DNAJC6: variants seen among roughly 807,000 people sequenced by gnomAD.
DNAJC6 encodes the protein auxilin.
A neutral mutation model predicts 110.0 loss-of-function variants in DNAJC6; 34 were observed. The observed-to-expected ratio is 0.31, with a 90% CI of 0.24 to 0.41. The LOEUF is 0.41. DNAJC6 is among the 10% of genes least tolerant of loss of function. DNAJC6 has a pLI of 1.00. For missense variants in DNAJC6, 1,031 were observed against 1,207.8 expected (o/e 0.85, Z 2.17); for synonymous variants, 406 against 437.2 (o/e 0.93, Z 0.89).
chr1:65,401,006 A>G (rs554309005), intron 14 of DNAJC6, among the ~76,000 whole-genome samples: 33 of 152,214 alleles, frequency 2.2e-4, no homozygotes, highest in African/African-American at 7.5e-4. Flanking sequence ...TTTAATAGCA[A>G]TTCTGACAGG....
chr1:65,327,080 A>G (rs1214092782), intron 1 of DNAJC6, among the ~76,000 whole-genome samples: 6 of 152,206 alleles, frequency 3.9e-5, no homozygotes, highest in Non-Finnish European at 1.5e-5. Context: ...GTAAAAAGTA[A>G]GAGGGTTGAT....
chr1:65,396,533 T>A (rs1359782948), intron 13 of DNAJC6, among the ~76,000 whole-genome samples: 1 of 152,156 alleles, frequency 6.6e-6, no homozygotes, highest in Admixed American at 6.6e-5. Flanking sequence ...TCCCCAGGCA[T>A]CTGCATGGCT....
intron 1 of DNAJC6, among the ~76,000 whole-genome samples, chr1:65,292,524 G>A (rs1380942839): frequency 6.6e-6 from 1 of 151,774 alleles, no homozygotes; most frequent in African/African-American, 2.4e-5. Context: ...TCGACTTCCT[G>A]GGCTCAAGCA....
chr1:65,325,472 T>G (rs1165795631), intron 1 of DNAJC6, among the ~76,000 whole-genome samples: 1 of 152,198 alleles, frequency 6.6e-6, no homozygotes, highest in Non-Finnish European at 1.5e-5. Context: ...CTAGGTCATA[T>G]GATTGTGTGA....
chr1:65,270,208 G>A (rs1301021100), intron 1 of DNAJC6, among the ~76,000 whole-genome samples: 1 of 152,076 alleles, frequency 6.6e-6, no homozygotes, highest in African/African-American at 2.4e-5. Flanking sequence ...ATAGTCGTCT[G>A]AGCATTTGCA....
At chr1:65,384,824 A>G (rs1645855552) in intron 6 of DNAJC6, among the ~76,000 whole-genome samples, 1 of 152,228 alleles carries the variant, frequency 6.6e-6, no homozygotes, top group African/African-American at 2.4e-5. Flanking sequence ...GAACTATGCA[A>G]AAACTGAATT....
At chr1:65,347,276 AT>A (rs1331854810) in intron 1 of DNAJC6, among the ~76,000 whole-genome samples, 1 of 152,058 alleles carries the variant, frequency 6.6e-6, no homozygotes, top group Non-Finnish European at 1.5e-5. Context: ...ACCCTTGTTT[AT>A]TTTCTTCTCT....
chr1:65,337,431 T>C (rs923383757), intron 1 of DNAJC6, among the ~76,000 whole-genome samples: 6 of 152,018 alleles, frequency 3.9e-5, no homozygotes, highest in African/African-American at 1.4e-4. Context: ...TTTACCAGTT[T>C]TCAAAAATAA....
chr1:65,286,720 A>G (rs959396747), intron 1 of DNAJC6, among the ~76,000 whole-genome samples: 5 of 152,228 alleles, frequency 3.3e-5, no homozygotes, highest in Admixed American at 6.5e-5. Context: ...GAAACAGGTT[A>G]CTAATACATT....
chr1:65,331,762 G>A (rs764593709), intron 1 of DNAJC6, among the ~76,000 whole-genome samples: 5 of 152,208 alleles, frequency 3.3e-5, no homozygotes, highest in Non-Finnish European at 5.9e-5. Flanking sequence ...ATGAGCTCAG[G>A]TCAGACAAAA....
At chr1:65,398,379 G>T (rs976660594) in intron 13 of DNAJC6, among the ~76,000 whole-genome samples, 2 of 152,180 alleles carry the variant, frequency 1.3e-5, no homozygotes, top group Admixed American at 6.6e-5. Flanking sequence ...CTTAGCAAAG[G>T]TAAACTGAGC....
At chr1:65,412,648 G>A (rs750704127) in intron 18 of DNAJC6, among the ~76,000 whole-genome samples, 3 of 152,122 alleles carry the variant, frequency 2.0e-5, no homozygotes, top group South Asian at 2.1e-4. Flanking sequence ...TGGCAGATAC[G>A]TCTGGAGAAC....
chr1:65,366,549 T>C (rs775697594), intron 4 of DNAJC6, among the ~76,000 whole-genome samples: 1 of 152,210 alleles, frequency 6.6e-6, no homozygotes, highest in Non-Finnish European at 1.5e-5. Flanking sequence ...AATTATGCCG[T>C]TGACCCTTCT....
chr1:65,283,056 G>A (rs1226125228), intron 1 of DNAJC6, among the ~76,000 whole-genome samples: 1 of 152,122 alleles, frequency 6.6e-6, no homozygotes, highest in African/African-American at 2.4e-5. Context: ...TCATCCTCTA[G>A]CCTCCCTGAA....
chr1:65,392,586 C>A lies in DNAJC6; in HGVS notation c.1624C>A (p.Gln542Lys). The change falls in exon 12 of 19, where the codon CAG (glutamine) becomes AAG (lysine). Residue 542 changes from glutamine to lysine, a missense_variant. Coordinates refer to ENST00000371069, the MANE Select transcript of DNAJC6 (RefSeq NM_001256864.2). ...PHGVKKPSKK[Q>K]QEPAAPPPPE... ...TGGAGTCAAGAAGCCCAGCAAAAAG[C>A]AGCAGGAGCCAGCAGCCCCTCCACC... is the stretch of plus-strand genomic sequence containing the variant. The A allele has an allele frequency of 6.2e-7, 1 of 1,614,086 alleles. No individual in the cohort carries two copies. Among genetic ancestry groups the A allele is most frequent in the Non-Finnish European group, 8.5e-7 (1 of 1,179,996 alleles).
intron 13 of DNAJC6, among the ~76,000 whole-genome samples, chr1:65,398,018 G>T (rs1322207280): frequency 6.6e-6 from 1 of 152,118 alleles, no homozygotes; most frequent in African/African-American, 2.4e-5. Context: ...ACCTAGAGGT[G>T]CCTCAGAAAG....
intron 1 of DNAJC6, among the ~76,000 whole-genome samples, chr1:65,283,170 ATG>A (rs1206506852): frequency 2.0e-5 from 3 of 152,150 alleles, no homozygotes; most frequent in Non-Finnish European, 4.4e-5. Flanking sequence ...GCACTAGTTT[ATG>A]TGTGTGTGTT....
intron 1 of DNAJC6, among the ~76,000 whole-genome samples, chr1:65,340,279 G>C (rs1325609): frequency 0.73 from 111,513 of 152,118 alleles, 42,294 homozygotes; most frequent in African/African-American, 0.94. Flanking sequence ...TGTTGTGCTG[G>C]CCACATTGTA....
intron 1 of DNAJC6, among the ~76,000 whole-genome samples, chr1:65,285,510 G>A (rs1009206533): frequency 6.6e-6 from 1 of 152,106 alleles, no homozygotes; most frequent in Non-Finnish European, 1.5e-5. Context: ...TATTACACAT[G>A]ATGCCAAGCA....
Sources: allele counts gnomAD v4.1 joint callset (sites outside exome capture counted in the v4.1 genomes callset), GRCh38; gene constraint gnomAD v4.1.1; transcripts MANE v1.5; gene names NCBI Gene and HGNC (gene_info 2026-07-23, HGNC 2026-07-21).